The following CNKSR3 variants were observed in gnomAD, a reference collection of about 807,000 sequenced individuals.
The protein encoded by CNKSR3 is CNKSR family member 3.
CNKSR3 carries 36 observed loss-of-function variants against 67.7 expected under a neutral mutation model. The ratio of observed to expected loss-of-function variants is 0.53; its 90% CI spans 0.41 to 0.70. The LOEUF (loss-of-function observed/expected upper bound fraction) is 0.70. Among genes scored for constraint, CNKSR3 ranks in the 30% least tolerant of loss-of-function variants. CNKSR3 has a pLI of 0.00. For synonymous variants in CNKSR3, 281 were observed against 271.4 expected (o/e 1.04, Z -0.35); for missense variants, 630 against 695.2 (o/e 0.91, Z 1.05).
intron 1 of CNKSR3, among the ~76,000 whole-genome samples, chr6:154,496,906 G>A (rs1187452392): frequency 6.6e-6 from 1 of 152,166 alleles, no homozygotes; most frequent in African/African-American, 2.4e-5. Flanking sequence ...GGAGACGTCA[G>A]GCTCTAATGC....
chr6:154,410,639 GC>G (rs1294804578), intron 11 of CNKSR3, among the ~76,000 whole-genome samples: 1 of 152,152 alleles, frequency 6.6e-6, no homozygotes, highest in Non-Finnish European at 1.5e-5. Context: ...TTAAACTTGA[GC>G]CTGTGAGTCT....
chr6:154,427,303 C>G (rs1785276399), intron 7 of CNKSR3, among the ~76,000 whole-genome samples: 1 of 152,136 alleles, frequency 6.6e-6, no homozygotes, highest in Non-Finnish European at 1.5e-5. Flanking sequence ...TTCTACCAAA[C>G]AGATTAGAAA....
intron 7 of CNKSR3, among the ~76,000 whole-genome samples, chr6:154,423,770 A>G (rs1785196077): frequency 6.6e-6 from 1 of 152,238 alleles, no homozygotes; most frequent in Non-Finnish European, 1.5e-5. Context: ...TGCTGTTAAA[A>G]TAGAAAGTTG....
chr6:154,485,848 T>C (rs993389854), intron 1 of CNKSR3, among the ~76,000 whole-genome samples: 3 of 152,216 alleles, frequency 2.0e-5, no homozygotes, highest in East Asian at 3.9e-4. Flanking sequence ...ACAGTGCTTA[T>C]AGGAGCAGAT....
intron 1 of CNKSR3, among the ~76,000 whole-genome samples, chr6:154,461,784 C>T (rs1007146995): frequency 6.6e-6 from 1 of 152,198 alleles, no homozygotes; most frequent in East Asian, 1.9e-4. Flanking sequence ...TAAAGTCACA[C>T]AACCAATAAT....
intron 10 of CNKSR3, among the ~76,000 whole-genome samples, chr6:154,412,073 C>T (rs1179114156): frequency 6.6e-6 from 1 of 152,154 alleles, no homozygotes; most frequent in Admixed American, 6.5e-5. Context: ...TGGTAAATTC[C>T]ATTAGGCAAA....
chr6:154,475,039 T>A (rs1786414109), intron 1 of CNKSR3, among the ~76,000 whole-genome samples: 1 of 152,204 alleles, frequency 6.6e-6, no homozygotes, highest in Non-Finnish European at 1.5e-5. Flanking sequence ...AATCTAAGTC[T>A]TGTTTTTTCC....
At chr6:154,452,262 C>T (rs117649652) in intron 1 of CNKSR3, among the ~76,000 whole-genome samples, 3,513 of 152,300 alleles carry the variant, frequency 0.023, 78 homozygotes, top group African/African-American at 0.054. Context: ...CACAGCCTCG[C>T]TCTTCTGCAT....
intron 1 of CNKSR3, among the ~76,000 whole-genome samples, chr6:154,499,785 T>C (rs1786946426): frequency 6.6e-6 from 1 of 152,190 alleles, no homozygotes; most frequent in Admixed American, 6.5e-5. Context: ...ATCTCTGATT[T>C]GATCCAAGTA....
intron 1 of CNKSR3, among the ~76,000 whole-genome samples, chr6:154,488,759 T>C (rs1786726433): frequency 6.6e-6 from 1 of 152,218 alleles, no homozygotes; most frequent in African/African-American, 2.4e-5. Context: ...AGAGATCATA[T>C]ACTCAGAAAT....
intron 1 of CNKSR3, among the ~76,000 whole-genome samples, chr6:154,459,929 T>G (rs1786043339): frequency 6.6e-6 from 1 of 152,254 alleles, no homozygotes; most frequent in Non-Finnish European, 1.5e-5. Flanking sequence ...AGCTGAAAAC[T>G]TTAACCAGGA....
intron 1 of CNKSR3, among the ~76,000 whole-genome samples, chr6:154,480,445 G>T (rs570299596): frequency 1.4e-4 from 22 of 152,344 alleles, no homozygotes; most frequent in African/African-American, 5.3e-4. Context: ...GTTCTGGTGT[G>T]TGTGACTTCC....
intron 1 of CNKSR3, among the ~76,000 whole-genome samples, chr6:154,456,218 G>A (rs1448330665): frequency 1.3e-5 from 2 of 152,128 alleles, no homozygotes; most frequent in African/African-American, 2.4e-5. Flanking sequence ...AAATACAGGA[G>A]CCCAGAGTGG....
At chr6:154,463,387 T>A (rs1266493631) in intron 1 of CNKSR3, among the ~76,000 whole-genome samples, 1 of 152,136 alleles carries the variant, frequency 6.6e-6, no homozygotes, top group Non-Finnish European at 1.5e-5. Context: ...CTTTCTTTCA[T>A]ATATACATCA....
chr6:154,449,385 C>T (rs1386677973), intron 2 of CNKSR3, among the ~76,000 whole-genome samples: 1 of 152,180 alleles, frequency 6.6e-6, no homozygotes, highest in Non-Finnish European at 1.5e-5. Context: ...TGCAGTGGTG[C>T]GATCTCTGCT....
At chr6:154,426,671 C>CG (rs1036144843) in intron 7 of CNKSR3, among the ~76,000 whole-genome samples, 12 of 152,080 alleles carry the variant, frequency 7.9e-5, no homozygotes, top group African/African-American at 2.9e-4. Context: ...TTCTTTAAAA[C>CG]GGGGGGTGGT....
chr6:154,460,367 CTT>C (rs981318627), intron 1 of CNKSR3, among the ~76,000 whole-genome samples: 3 of 152,110 alleles, frequency 2.0e-5, no homozygotes, highest in Admixed American at 1.3e-4. Flanking sequence ...ACAACATTGA[CTT>C]ATATGTTTGA....
intron 1 of CNKSR3, among the ~76,000 whole-genome samples, chr6:154,476,331 C>T (rs560609635): frequency 2.0e-5 from 3 of 152,120 alleles, no homozygotes; most frequent in South Asian, 4.2e-4. Context: ...CTGGCAGGTG[C>T]CTGTAACCCC....
At chr6:154,447,861 T>C (rs1467328721) in intron 2 of CNKSR3, among the ~76,000 whole-genome samples, 1 of 152,232 alleles carries the variant, frequency 6.6e-6, no homozygotes, top group Non-Finnish European at 1.5e-5. Context: ...CACCAATTTA[T>C]ATATCCAAAG....
Sources: allele counts gnomAD v4.1 joint callset (sites outside exome capture counted in the v4.1 genomes callset), GRCh38; gene constraint gnomAD v4.1.1; transcripts MANE v1.5; gene names NCBI Gene and HGNC (gene_info 2026-07-23, HGNC 2026-07-21).